The following RNF150 variants were observed in gnomAD, a reference collection of about 807,000 sequenced individuals.
The protein encoded by RNF150 is ring finger protein 150.
RNF150 carries 24 observed loss-of-function variants against 39.3 expected under a neutral mutation model. The ratio of observed to expected loss-of-function variants is 0.61; its 90% CI spans 0.44 to 0.86. RNF150 has a LOEUF of 0.86. RNF150 is among the 40% of genes least tolerant of loss of function. The pLI, the probability that RNF150 is intolerant of heterozygous loss-of-function variation, is 0.00. For missense variants in RNF150, 502 were observed against 587.8 expected, an observed-to-expected ratio of 0.85 and a Z score of 1.51; for synonymous variants, 255 against 227.3, an observed-to-expected ratio of 1.12 and a Z score of -1.10.
At chr4:140,931,682 C>T (rs1404796702) in intron 4 of RNF150, among the ~76,000 whole-genome samples, 1 of 152,130 alleles carries the variant, frequency 6.6e-6, no homozygotes, top group Admixed American at 6.5e-5. Flanking sequence ...TTAACAATCC[C>T]GACAAATTGG....
chr4:141,090,195 A>T (rs1738526769), intron 1 of RNF150, among the ~76,000 whole-genome samples: 1 of 152,176 alleles, frequency 6.6e-6, no homozygotes. Flanking sequence ...CATTAAGAAA[A>T]GCTTGGGTCA....
At chr4:140,970,475 C>CCA (rs1560993289) in intron 1 of RNF150, among the ~76,000 whole-genome samples, 3 of 138,298 alleles carry the variant, frequency 2.2e-5, no homozygotes, top group Non-Finnish European at 3.1e-5. Flanking sequence ...TCCCCCTCCC[C>CCA]ACCCATACAA....
chr4:141,024,735 T>C (rs1735627697), intron 1 of RNF150, among the ~76,000 whole-genome samples: 1 of 152,120 alleles, frequency 6.6e-6, no homozygotes, highest in South Asian at 2.1e-4. Context: ...ATAAGGATCA[T>C]TTATACAGGC....
chr4:140,915,474 T>G (rs6537019), intron 5 of RNF150, among the ~76,000 whole-genome samples: 83,834 of 151,948 alleles, frequency 0.55, 23,622 homozygotes, highest in East Asian at 0.89. Context: ...ATCCTGACTT[T>G]GTCATTCCCT....
intron 6 of RNF150, among the ~76,000 whole-genome samples, chr4:140,886,084 G>A (rs1161939348): frequency 2.0e-5 from 3 of 151,782 alleles, no homozygotes; most frequent in Admixed American, 1.3e-4. Context: ...CCAGCTACTC[G>A]GGAGGCTGAG....
Position 140,866,230 on chromosome 4 carries a change from C to T in RNF150, c.*2031G>A, listed in dbSNP as rs1387979061. Reference sequence around the variant, plus strand: ...CAAGTAACTCTACCTCCCCAAGCTACGAAGCCTGATTGCCACAAGTCATAG... The same window carrying T: ...CAAGTAACTCTACCTCCCCAAGCTATGAAGCCTGATTGCCACAAGTCATAG... On this transcript the variant is annotated 3_prime_UTR_variant, in exon 7 of 7. Coordinates refer to ENST00000515673, the MANE Select transcript of RNF150 (RefSeq NM_020724.2). 1 of 152,210 alleles carries T rather than the reference C, an allele frequency of 6.6e-6. No homozygotes were observed. Among genetic ancestry groups the T allele is most frequent in the Non-Finnish European group, 1.5e-5 (1 of 68,038 alleles). The allele number at this position is 152,210 out of a possible 1,614,324, so 9.4% of individuals were successfully genotyped here. A position where few individuals can be genotyped will look rare whatever the true frequency, so the allele number is the denominator to read the frequency against.
chr4:140,997,923 CAT>C (rs1734443025), intron 1 of RNF150, among the ~76,000 whole-genome samples: 1 of 152,116 alleles, frequency 6.6e-6, no homozygotes, highest in Admixed American at 6.5e-5. Context: ...GAGAGGGAGA[CAT>C]ACCTTTCACT....
At chr4:140,870,722 C>A (rs181573409) in intron 6 of RNF150, among the ~76,000 whole-genome samples, 5 of 152,072 alleles carry the variant, frequency 3.3e-5, no homozygotes, top group Non-Finnish European at 7.4e-5. Context: ...AGGACACAAC[C>A]CACACAGCCA....
At chr4:140,882,637 T>C (rs1037588154) in intron 6 of RNF150, among the ~76,000 whole-genome samples, 6 of 152,328 alleles carry the variant, frequency 3.9e-5, no homozygotes, top group African/African-American at 7.2e-5. Context: ...AATTGTTATA[T>C]CTTTCTGAAT....
chr4:141,045,897 T>C (rs959204170), intron 1 of RNF150, among the ~76,000 whole-genome samples: 2 of 152,190 alleles, frequency 1.3e-5, no homozygotes, highest in Non-Finnish European at 2.9e-5. Context: ...ATAATCCCAA[T>C]AAACGGATCT....
chr4:140,919,005 T>C (rs895933439), intron 5 of RNF150, among the ~76,000 whole-genome samples: 1 of 152,010 alleles, frequency 6.6e-6, no homozygotes, highest in Non-Finnish European at 1.5e-5. Context: ...CTAAAAACTC[T>C]CAATAAGTTA....
chr4:141,097,830 T>A (rs1377598391), intron 1 of RNF150, among the ~76,000 whole-genome samples: 1 of 152,190 alleles, frequency 6.6e-6, no homozygotes, highest in Non-Finnish European at 1.5e-5. Flanking sequence ...ATTAAAAATA[T>A]TAAATCTTTG....
chr4:141,096,251 C>G (rs1738778240), intron 1 of RNF150, among the ~76,000 whole-genome samples: 2 of 123,694 alleles, frequency 1.6e-5, no homozygotes, highest in Admixed American at 1.0e-4. Flanking sequence ...GGCTGGAGTA[C>G]AGTGGTGCAG....
At chr4:140,977,263 C>CTA (rs1454416164) in intron 1 of RNF150, among the ~76,000 whole-genome samples, 2 of 152,170 alleles carry the variant, frequency 1.3e-5, no homozygotes, top group African/African-American at 2.4e-5. Flanking sequence ...TTTCCCTCTA[C>CTA]TATAATGACC....
intron 4 of RNF150, among the ~76,000 whole-genome samples, chr4:140,927,068 T>TAA (rs1731427445): frequency 6.6e-6 from 1 of 152,182 alleles, no homozygotes; most frequent in Non-Finnish European, 1.5e-5. Flanking sequence ...TCCAAAAACC[T>TAA]CATTTGCCTT....
chr4:141,045,800 T>A (rs1297291562), intron 1 of RNF150, among the ~76,000 whole-genome samples: 3 of 152,112 alleles, frequency 2.0e-5, no homozygotes, highest in Non-Finnish European at 4.4e-5. Context: ...CACCTCAGCC[T>A]CTCAAAGTGC....
chr4:140,896,971 C>T (rs1469280073), intron 6 of RNF150, among the ~76,000 whole-genome samples: 2 of 152,128 alleles, frequency 1.3e-5, no homozygotes, highest in Admixed American at 6.5e-5. Flanking sequence ...ACAAGTAAGG[C>T]ATGACTAAGT....
chr4:141,047,822 C>T (rs907192408), intron 1 of RNF150, among the ~76,000 whole-genome samples: 2 of 152,112 alleles, frequency 1.3e-5, no homozygotes, highest in African/African-American at 4.8e-5. Context: ...AATCAACAAA[C>T]TTAATGGATC....
intron 1 of RNF150, among the ~76,000 whole-genome samples, chr4:141,156,869 A>G (rs1195343101): frequency 6.6e-6 from 1 of 152,080 alleles, no homozygotes; most frequent in Non-Finnish European, 1.5e-5. Context: ...ATTGCACCAC[A>G]GCACTCCAGT....
Sources: allele counts gnomAD v4.1 joint callset (sites outside exome capture counted in the v4.1 genomes callset), GRCh38; gene constraint gnomAD v4.1.1; transcripts MANE v1.5; gene names NCBI Gene and HGNC (gene_info 2026-07-23, HGNC 2026-07-21).